The following LAMA2 variants were observed in gnomAD, a reference collection of about 807,000 sequenced individuals.
The protein encoded by LAMA2 is laminin subunit alpha 2, also known as laminin subunit alpha-2.
Under a neutral mutation model 364.8 loss-of-function variants are expected in LAMA2, and 269 were observed. The observed-to-expected ratio is 0.74, with a 90% CI of 0.67 to 0.82. The LOEUF (loss-of-function observed/expected upper bound fraction) is 0.82, where lower values mean the gene tolerates loss of function less well. LAMA2 is among the 40% of genes least tolerant of loss of function. The probability of loss-of-function intolerance (pLI) is 0.00; values close to 1 mark genes in which losing one functional copy is unlikely to be tolerated. For missense variants in LAMA2, 3,807 were observed against 3,873.2 expected (o/e 0.98, Z 0.45); for synonymous variants, 1,379 against 1,370.6 (o/e 1.01, Z -0.14).
intron 34 of LAMA2, among the ~76,000 whole-genome samples, chr6:129,376,951 G>T (rs1583606682): frequency 1.3e-5 from 2 of 152,224 alleles, no homozygotes. Context: ...CATAATAGGT[G>T]TTAAGTCAAT....
intron 2 of LAMA2, among the ~76,000 whole-genome samples, chr6:129,051,903 C>T (rs1788071480): frequency 6.6e-6 from 1 of 151,010 alleles, no homozygotes; most frequent in Non-Finnish European, 1.5e-5. Flanking sequence ...GGAGGAGGTG[C>T]GAGTGTGTAG....
intron 1 of LAMA2, among the ~76,000 whole-genome samples, chr6:128,913,117 G>C (rs1024136148): frequency 6.6e-6 from 1 of 152,190 alleles, no homozygotes; most frequent in African/African-American, 2.4e-5. Context: ...CACTCTGAGA[G>C]ATTAATTAAA....
rs3823008 is a variant in LAMA2 at position 129,189,408 on chromosome 6, T to A, written c.1468-797T>A. Among the ~76,000 whole-genome samples, 544 of 152,174 alleles carry A rather than the reference T, an allele frequency of 3.6e-3. 16 individuals carry two copies. In the East Asian group the frequency reaches 0.071, roughly 20 times the overall value. ...TCTTTAAATTGAGAGATTATATCCTTCCCTGTTTTTCATTATATGGTCAGC... is the reference window on the plus strand; with the variant it reads ...TCTTTAAATTGAGAGATTATATCCTACCCTGTTTTTCATTATATGGTCAGC... On this transcript the variant is annotated intron_variant, in intron 10 of 64. Transcript: ENST00000421865.
At chr6:129,048,195 A>T (rs972638409) in intron 1 of LAMA2, among the ~76,000 whole-genome samples, 1 of 152,214 alleles carries the variant, frequency 6.6e-6, no homozygotes, top group Non-Finnish European at 1.5e-5. Flanking sequence ...TATTATTATT[A>T]TATGCAGATG....
Position 129,225,258 on chromosome 6 carries a change from A to G in LAMA2, c.1783-24854A>G, listed in dbSNP as rs529121931. On this transcript the variant is annotated intron_variant, in intron 12 of 64. Coordinates refer to ENST00000421865, the MANE Select transcript of LAMA2 (RefSeq NM_000426.4). ...TATTAGTCTTGCTAGCAGTCTATCA[A>G]TTTTGTTGATCTTTTCAAAAAATCA... Among the ~76,000 whole-genome samples the G allele has an allele frequency of 3.9e-5, 6 of 152,006 alleles. No individual in the cohort carries two copies. In the South Asian group the frequency reaches 6.2e-4, roughly 16 times the overall value.
intron 3 of LAMA2, among the ~76,000 whole-genome samples, chr6:129,080,203 G>A (rs2114837193): frequency 6.6e-6 from 1 of 152,146 alleles, no homozygotes; most frequent in East Asian, 1.9e-4. Context: ...AGTACATTTT[G>A]TATCACAGAA....
At chr6:129,112,413 C>T (rs965452805) in intron 4 of LAMA2, among the ~76,000 whole-genome samples, 1 of 151,920 alleles carries the variant, frequency 6.6e-6, no homozygotes. Context: ...CCAGCTCACA[C>T]ATTAATCACT....
chr6:128,930,270 T>C (rs899928602), intron 1 of LAMA2, among the ~76,000 whole-genome samples: 4 of 152,338 alleles, frequency 2.6e-5, no homozygotes, highest in Admixed American at 2.6e-4. Flanking sequence ...TTCCTACTGC[T>C]TACACCCTCA....
At position 129,349,318 on chromosome 6, in the gene LAMA2, C is replaced by T; in HGVS notation, c.4457C>T (p.Ala1486Val). 1 of 1,613,416 alleles carries T rather than the reference C, an allele frequency of 6.2e-7. No individual in the cohort carries two copies. The highest frequency in any genetic ancestry group is 8.5e-7 in the Non-Finnish European group (1 of 1,179,554). ...SSNNFSPSCV[A>V]EGLDDYRCTA... is the part of the protein sequence containing the mutation. ...TTCAGTTTCAGCCCCTCTTGTGTCG[C>T]AGAAGGACTTGACGACTACCGCTGC... The change falls in exon 31 of 65, where the codon GCA becomes GTA. Residue 1486 changes from alanine to valine, a missense_variant. Ala to Val is a moderately conservative substitution (Grantham distance 64). Around this residue, in one of 3 missense-constraint regions of LAMA2, gnomAD observed 3,333 missense variants for 3,345.7 expected, o/e 1.00. Coordinates refer to ENST00000421865, the MANE Select transcript of LAMA2 (RefSeq NM_000426.4).
At chr6:129,042,826 T>C (rs2114758129) in intron 1 of LAMA2, among the ~76,000 whole-genome samples, 1 of 152,348 alleles carries the variant, frequency 6.6e-6, no homozygotes, top group African/African-American at 2.4e-5. Context: ...TCATCAGCAT[T>C]GTTGTGTGTA....
At chr6:129,197,515 C>T (rs1014033179) in intron 12 of LAMA2, among the ~76,000 whole-genome samples, 4 of 152,170 alleles carry the variant, frequency 2.6e-5, no homozygotes, top group Admixed American at 6.5e-5. Context: ...TTTTCTGGGC[C>T]GAACCAATGT....
At chr6:129,178,526 A>T (rs1780746397) in intron 10 of LAMA2, among the ~76,000 whole-genome samples, 1 of 152,198 alleles carries the variant, frequency 6.6e-6, no homozygotes, top group Admixed American at 6.5e-5. Flanking sequence ...GAAAAGACTG[A>T]TTTACTTTAC....
At chr6:129,293,803 A>G (rs1366324547) in intron 20 of LAMA2, among the ~76,000 whole-genome samples, 1 of 152,194 alleles carries the variant, frequency 6.6e-6, no homozygotes, top group African/African-American at 2.4e-5. Flanking sequence ...AATAAAAAGT[A>G]AAGAAGAAGA....
intron 35 of LAMA2, among the ~76,000 whole-genome samples, chr6:129,384,955 A>T (rs186020127): frequency 6.7e-6 from 1 of 150,198 alleles, no homozygotes; most frequent in Admixed American, 6.7e-5. Flanking sequence ...AAATTGAATG[A>T]AAGGTCAAAT....
intron 1 of LAMA2, among the ~76,000 whole-genome samples, chr6:128,910,647 G>A (rs545486575): frequency 1.9e-3 from 290 of 152,218 alleles, no homozygotes; most frequent in African/African-American, 6.5e-3. Context: ...CGTCAAAGTC[G>A]TTCTCCGTCT....
At chr6:129,314,139 G>A (rs1017358264) in intron 23 of LAMA2, among the ~76,000 whole-genome samples, 9 of 152,136 alleles carry the variant, frequency 5.9e-5, no homozygotes, top group East Asian at 3.9e-4. Context: ...GGTGGCTCAC[G>A]CCTGTAATCC....
intron 32 of LAMA2, among the ~76,000 whole-genome samples, chr6:129,364,515 T>C (rs896480202): frequency 9.2e-5 from 14 of 152,236 alleles, no homozygotes; most frequent in Admixed American, 7.2e-4. Flanking sequence ...CAGATACACC[T>C]CATTACTCTG....
At chr6:129,486,291 C>T (rs1053970584) in intron 55 of LAMA2, among the ~76,000 whole-genome samples, 183 bp from the exon 56 acceptor site, 13 of 152,228 alleles carry the variant, frequency 8.5e-5, no homozygotes, top group Admixed American at 4.6e-4. Flanking sequence ...ATCTCACAAG[C>T]AAAAATGGTA....
intron 12 of LAMA2, among the ~76,000 whole-genome samples, chr6:129,219,755 C>T (rs1230606916): frequency 6.5e-5 from 8 of 122,240 alleles, no homozygotes; most frequent in Non-Finnish European, 1.2e-4. Flanking sequence ...CATGTTCTCA[C>T]TCATAGGTGG....
Sources: gnomAD v4.1 joint callset for allele counts (sites outside exome capture counted in the v4.1 genomes callset) on GRCh38, gnomAD v4.1.1 for gene constraint, gnomAD v4.1.1 regional missense constraint, MANE v1.5 for transcripts, NCBI Gene and HGNC (gene_info 2026-07-23, HGNC 2026-07-21) for gene names.